Variants in PPP1R12A observed in about 807,000 individuals in gnomAD.
The protein encoded by PPP1R12A is protein phosphatase 1 regulatory subunit 12A, also known as myosin binding subunit.
In PPP1R12A, 19 loss-of-function variants were observed where a neutral mutation model predicts 139.6. The ratio of observed to expected loss-of-function variants is 0.14; its 90% CI spans 0.09 to 0.20. The LOEUF (loss-of-function observed/expected upper bound fraction) is 0.20, where lower values mean the gene tolerates loss of function less well. Among genes scored for constraint, PPP1R12A ranks in the 10% least tolerant of loss-of-function variants. PPP1R12A has a pLI of 1.00. For synonymous variants in PPP1R12A, 427 were observed against 420.6 expected (o/e 1.02, Z -0.19); for missense variants, 925 against 1,211.5 (o/e 0.76, Z 3.51).
chr12:79,797,050 T>C (rs931637241), intron 16 of PPP1R12A, 100 bp from the exon 17 acceptor site: 72 of 1,398,200 alleles, frequency 5.1e-5, no homozygotes, highest in Non-Finnish European at 6.5e-5. Flanking sequence ...AGTATACTAA[T>C]CACGCCAAAG....
chr12:79,874,255 C>T (rs1388145634), intron 1 of PPP1R12A, among the ~76,000 whole-genome samples: 1 of 144,596 alleles, frequency 6.9e-6, no homozygotes, highest in Non-Finnish European at 1.5e-5. Flanking sequence ...GCATGGGCAA[C>T]AGAGCAAGAC....
intron 24 of PPP1R12A, among the ~76,000 whole-genome samples, 155 bp from the exon 25 acceptor site, chr12:79,776,170 GA>G (rs112562923): frequency 3.3e-5 from 5 of 151,982 alleles, no homozygotes; most frequent in African/African-American, 7.2e-5. Context: ...CAGGAAGAAG[GA>G]AAAAAACCAC....
chr12:79,892,661 G>A (rs568976216), intron 1 of PPP1R12A, among the ~76,000 whole-genome samples: 2 of 152,026 alleles, frequency 1.3e-5, no homozygotes, highest in African/African-American at 4.8e-5. Context: ...GAAGTAATAG[G>A]GCAGAAATAA....
chr12:79,808,447 A>G, intron 11 of PPP1R12A, 36 bp downstream of exon 11: 1 of 1,360,116 alleles, frequency 7.4e-7, no homozygotes, highest in Non-Finnish European at 1.0e-6. Context: ...TAAAGATTTT[A>G]TAGTGAATGC....
At chr12:79,779,678 A>G (rs1429218308) in intron 23 of PPP1R12A, 7 of 266,064 alleles carry the variant, frequency 2.6e-5, no homozygotes, top group South Asian at 2.5e-4. Context: ...ACTAGCACAT[A>G]AAGTGTCATA....
intron 1 of PPP1R12A, among the ~76,000 whole-genome samples, chr12:79,912,618 C>T (rs1184888135): frequency 6.6e-6 from 1 of 151,330 alleles, no homozygotes; most frequent in Non-Finnish European, 1.5e-5. Flanking sequence ...TGCTTGAGCT[C>T]AGGAGGTCAA....
chr12:79,824,618 T>C (rs886259117), intron 5 of PPP1R12A, among the ~76,000 whole-genome samples: 6 of 152,202 alleles, frequency 3.9e-5, no homozygotes, highest in Non-Finnish European at 7.3e-5. Flanking sequence ...ACTCATCAAC[T>C]TAACTCATCA....
intron 2 of PPP1R12A, chr12:79,848,783 C>T (rs892638889): frequency 3.9e-5 from 6 of 152,030 alleles, no homozygotes; most frequent in Non-Finnish European, 8.8e-5. Context: ...TAAACAAAAT[C>T]TCACGGACTG....
chr12:79,867,613 A>T (rs973885850), intron 2 of PPP1R12A, among the ~76,000 whole-genome samples: 1 of 152,166 alleles, frequency 6.6e-6, no homozygotes, highest in African/African-American at 2.4e-5. Context: ...AGAAATAATA[A>T]AGAATATATT....
chr12:79,827,790 C>G (rs937068663), intron 5 of PPP1R12A, among the ~76,000 whole-genome samples: 2 of 152,130 alleles, frequency 1.3e-5, no homozygotes, highest in Non-Finnish European at 2.9e-5. Flanking sequence ...AACTAGAAGA[C>G]TAGATGATGT....
At chr12:79,875,400 G>T (rs1295125926) in intron 1 of PPP1R12A, among the ~76,000 whole-genome samples, 4 of 152,306 alleles carry the variant, frequency 2.6e-5, no homozygotes, top group Admixed American at 1.3e-4. Context: ...TTGGTGAAAG[G>T]TTTTTTCCGT....
chr12:79,865,172 A>T (rs1408303127), intron 2 of PPP1R12A, among the ~76,000 whole-genome samples: 1 of 152,208 alleles, frequency 6.6e-6, no homozygotes, highest in African/African-American at 2.4e-5. Context: ...ACATACGCAA[A>T]TTAATAAACG....
chr12:79,911,777 G>A (rs1019507285), intron 1 of PPP1R12A, among the ~76,000 whole-genome samples: 8 of 151,336 alleles, frequency 5.3e-5, no homozygotes, highest in Admixed American at 6.6e-5. Context: ...CTCTACTCCC[G>A]TATCAGCCTC....
At chr12:79,853,813 G>A (rs929314632) in intron 2 of PPP1R12A, among the ~76,000 whole-genome samples, 3 of 152,148 alleles carry the variant, frequency 2.0e-5, no homozygotes, top group Non-Finnish European at 4.4e-5. Context: ...ACTACTTATT[G>A]TTTAACAATT....
At position 79,845,352 on chromosome 12, in the gene PPP1R12A, G is replaced by A. The variant is rs867666125; in HGVS notation, c.437C>T (p.Ala146Val). Reference protein sequence around the residue: ...NSEGDTPLDIAEEEAMEELLQ... With the variant: ...NSEGDTPLDIVEEEAMEELLQ... Reference sequence around the variant, plus strand: ...TAGCTCTTCCATTGCCTCCTCCTCCGCAATATCTAAAGGTGTATCTCCTTC... The same window carrying A: ...TAGCTCTTCCATTGCCTCCTCCTCCACAATATCTAAAGGTGTATCTCCTTC... The change falls in exon 3 of 25, where the codon GCG (alanine) becomes GTG (valine). Residue 146 changes from alanine to valine, a missense_variant. Ala to Val is a moderately conservative substitution (Grantham distance 64). Transcript: ENST00000450142. 4 of 1,613,110 alleles carry A rather than the reference G, an allele frequency of 2.5e-6. No individual in the cohort carries two copies. Among genetic ancestry groups the A allele is most frequent in the South Asian group, 1.1e-5 (1 of 91,000 alleles).
intron 2 of PPP1R12A, 92 bp downstream of exon 2, chr12:79,872,716 T>C (rs1056674454): frequency 1.1e-5 from 14 of 1,325,790 alleles, no homozygotes; most frequent in Non-Finnish European, 1.5e-5. Flanking sequence ...TAAAGTAATA[T>C]AAGAGTTCAC....
chr12:79,780,455 A>G (rs1365694577), intron 23 of PPP1R12A: 1 of 152,090 alleles, frequency 6.6e-6, no homozygotes, highest in Non-Finnish European at 1.5e-5. Flanking sequence ...CATCATGTGT[A>G]TGTTAGAAAA....
At chr12:79,850,834 T>A (rs996103424) in intron 2 of PPP1R12A, among the ~76,000 whole-genome samples, 37 of 152,162 alleles carry the variant, frequency 2.4e-4, no homozygotes, top group Non-Finnish European at 8.8e-5. Context: ...CTCTTTGCTC[T>A]CTTTCTCTCT....
At chr12:79,816,490 A>G (rs1875404912) in intron 9 of PPP1R12A, among the ~76,000 whole-genome samples, 1 of 152,156 alleles carries the variant, frequency 6.6e-6, no homozygotes, top group African/African-American at 2.4e-5. Flanking sequence ...AAATCTTTGA[A>G]AAGAGACTAG....
Sources: gnomAD v4.1 joint callset for allele counts (sites outside exome capture counted in the v4.1 genomes callset) on GRCh38, gnomAD v4.1.1 for gene constraint, MANE v1.5 for transcripts, NCBI Gene and HGNC (gene_info 2026-07-23, HGNC 2026-07-21) for gene names.